Variants in A2ML1 observed in about 807,000 individuals in gnomAD.
A2ML1 encodes alpha-2-macroglobulin like 1.
A neutral mutation model predicts 181.9 loss-of-function variants in A2ML1; 161 were observed. The observed-to-expected ratio is 0.89, with a 90% CI of 0.78 to 1.01. The LOEUF is 1.01. Among genes scored for constraint, A2ML1 ranks in the 50% least tolerant of loss-of-function variants. A2ML1 has a pLI of 0.00. For synonymous variants in A2ML1, 663 were observed against 666.8 expected (o/e 0.99, Z 0.09); for missense variants, 1,670 against 1,768.1 (o/e 0.94, Z 1.00).
intron 4 of A2ML1, among the ~76,000 whole-genome samples, chr12:8,832,633 C>A (rs137901459): frequency 6.6e-6 from 1 of 152,104 alleles, no homozygotes; most frequent in African/African-American, 2.4e-5. Flanking sequence ...TTCAGTCCCT[C>A]CCTTTGGGTT....
intron 33 of A2ML1, among the ~76,000 whole-genome samples, chr12:8,873,973 C>A (rs1209491371): frequency 2.0e-5 from 3 of 151,582 alleles, no homozygotes; most frequent in East Asian, 1.9e-4. Context: ...AGGGCAGTAG[C>A]GGTACATAGA....
intron 2 of A2ML1, 168 bp from the exon 3 acceptor site, chr12:8,823,552 C>G: frequency 9.3e-7 from 1 of 1,072,024 alleles, no homozygotes; most frequent in Non-Finnish European, 1.3e-6. Flanking sequence ...GGATTTCTCC[C>G]TTTAGTTCCT....
In A2ML1 at chr12:8,850,181, CT is replaced by C. The variant is rs759217676; in HGVS notation, c.2145del (p.Phe715LeufsTer52). 414 of 1,611,738 alleles carry C rather than the reference CT, an allele frequency of 2.6e-4. 2 individuals are homozygous for C. The highest frequency in any genetic ancestry group is 3.3e-4 in the Non-Finnish European group (394 of 1,179,370). ...TCAGCAGGCGGTGGTCATCCAGAGG[CT>C]TTTGAGTCATCAACTCCTTTACATC... ...AMGAGGGHPE[A>X]FESSTPLHQA... On this transcript the variant is annotated frameshift_variant, in exon 18 of 36. Transcript: ENST00000299698. LOFTEE classifies it high-confidence loss of function.
chr12:8,875,439 C>CT (rs10607981), intron 35 of A2ML1: 274 of 144,994 alleles, frequency 1.9e-3, no homozygotes, highest in South Asian at 3.2e-3. Context: ...TTGTCTTAAA[C>CT]TTTTTTTTTT....
At chr12:8,874,347 G>T (rs907299289) in intron 33 of A2ML1, 78 bp from the exon 34 acceptor site, 1 of 1,153,448 alleles carries the variant, frequency 8.7e-7, no homozygotes, top group Admixed American at 1.8e-5. Flanking sequence ...AAGACAGCAA[G>T]GGTCTTTTAT....
intron 12 of A2ML1, among the ~76,000 whole-genome samples, chr12:8,844,775 G>A (rs1244949516): frequency 6.6e-6 from 1 of 152,134 alleles, no homozygotes; most frequent in Non-Finnish European, 1.5e-5. Context: ...GTGATAAAGC[G>A]GGCTCTGTCT....
intron 29 of A2ML1, among the ~76,000 whole-genome samples, chr12:8,866,083 C>T (rs753879146): frequency 7.2e-5 from 11 of 151,738 alleles, no homozygotes; most frequent in East Asian, 1.9e-4. Flanking sequence ...TTTGGGAGGC[C>T]GAGGCAGGTG....
chr12:8,868,245 A>G lies in A2ML1; in HGVS notation c.3949A>G (p.Asn1317Asp). The G allele has an allele frequency of 6.2e-7, 1 of 1,613,908 alleles. No individual in the cohort carries two copies. The highest frequency in any genetic ancestry group is 2.2e-5 in the East Asian group (1 of 44,884). ...CVYVQTVLRY[N>D]ILPPTNMKTF... is the part of the protein sequence containing the mutation. ...TTCCTACCAGACGGTGTTGAGATAC[A>G]ATATTCTCCCTCCCACAAATATGAA... The change falls in exon 31 of 36, where the codon AAT (asparagine) becomes GAT (aspartate). Residue 1317 changes from asparagine to aspartate, a missense_variant. Coordinates refer to ENST00000299698, the MANE Select transcript of A2ML1 (RefSeq NM_144670.6).
In A2ML1 at chr12:8,826,509, G is replaced by A. The variant is rs182810018; in HGVS notation, c.409+2627G>A. On this transcript the variant is annotated intron_variant, in intron 3 of 35. Transcript: ENST00000299698. ...TGCCCAGGCTGTGGAGTGCAGTGGC[G>A]GGATCACTGCTTACTGCAACCTCTG... Among the ~76,000 whole-genome samples, 199 of 152,186 alleles carry A rather than the reference G, an allele frequency of 1.3e-3. 2 individuals are homozygous for A. The highest frequency in any genetic ancestry group is 4.5e-3 in the African/African-American group (188 of 41,534).
Position 8,835,533 on chromosome 12 carries a change from G to A in A2ML1, c.510G>A (p.Gln170=). 3.1e-6 allele frequency: 5 copies of A among 1,614,186 alleles called. No homozygotes were observed. The highest frequency in any genetic ancestry group is 4.2e-6 in the Non-Finnish European group (5 of 1,180,020). The change falls in exon 6 of 36, where the codon CAG becomes CAA. Residue 170 remains glutamine (Q), a synonymous_variant. Transcript: ENST00000299698. ...ATCCAAATAGCAACAGGATTGCACAGTGGCTGGAAGTGGTACCTGAGCAAG... is the reference window on the plus strand; with the variant it reads ...ATCCAAATAGCAACAGGATTGCACAATGGCTGGAAGTGGTACCTGAGCAAG... ...LQDPNSNRIA[Q]WLEVVPEQGI...
chr12:8,863,353 G>A (rs762875310), intron 28 of A2ML1, among the ~76,000 whole-genome samples: 16 of 152,130 alleles, frequency 1.1e-4, no homozygotes, highest in East Asian at 3.9e-4. Context: ...TGATCCACCC[G>A]CCTCGGCCTC....
intron 35 of A2ML1, 140 bp from the exon 36 acceptor site, chr12:8,875,918 A>C (rs750291200): frequency 7.2e-5 from 11 of 152,222 alleles, no homozygotes; most frequent in Admixed American, 2.6e-4. Flanking sequence ...CACCTGTGAG[A>C]TAACACTATT....
Position 8,858,071 on chromosome 12 carries a change from A to G in A2ML1, c.3233A>G (p.Asn1078Ser), listed in dbSNP as rs769308270. 5 of 1,614,198 alleles carry G rather than the reference A, an allele frequency of 3.1e-6. No homozygotes were observed. The highest frequency in any genetic ancestry group is 1.7e-5 in the Admixed American group (1 of 60,022). ...CAGCTCCCCAGTGGCTGCTATGCCA[A>G]CGTGGGAAATCTCCTTCACACAGCT... ...GNQLPSGCYA[N>S]VGNLLHTAMK... Residue 1078 changes from asparagine to serine, a missense_variant, in exon 26 of 36, where the codon AAC (asparagine) becomes AGC (serine). Transcript: ENST00000299698.
At position 8,822,714 on chromosome 12, in the gene A2ML1, G is replaced by A. The variant is rs200764174; in HGVS notation, c.62+1G>A. On this transcript the variant is annotated splice_donor_variant, in intron 1 of 35. Transcript: ENST00000299698. LOFTEE classifies it high-confidence loss of function. ...CACCAGCCATTGCAGAAGAACTTCCGTGAGTGCTTGGTGTCAGAATTGGTT... is the reference window on the plus strand; with the variant it reads ...CACCAGCCATTGCAGAAGAACTTCCATGAGTGCTTGGTGTCAGAATTGGTT... The A allele has an allele frequency of 2.8e-5, 45 of 1,613,962 alleles. No homozygotes were observed. The highest frequency in any genetic ancestry group is 4.5e-5 in the East Asian group (2 of 44,902).
chr12:8,839,640 G>A (rs769854033), intron 10 of A2ML1, among the ~76,000 whole-genome samples: 6 of 152,182 alleles, frequency 3.9e-5, no homozygotes, highest in Non-Finnish European at 8.8e-5. Flanking sequence ...AGGGTTTCTA[G>A]AGAAATCATC....
At chr12:8,839,758 T>G (rs1407959453) in intron 10 of A2ML1, among the ~76,000 whole-genome samples, 1 of 152,168 alleles carries the variant, frequency 6.6e-6, no homozygotes, top group East Asian at 1.9e-4. Context: ...TTTTGTTTTG[T>G]TTTGTTTTGA....
chr12:8,824,780 A>G (rs1041210795), intron 3 of A2ML1, among the ~76,000 whole-genome samples: 2 of 151,596 alleles, frequency 1.3e-5, no homozygotes, highest in African/African-American at 4.9e-5. Flanking sequence ...TCTATTCTCT[A>G]TCTCCACGAC....
intron 11 of A2ML1, among the ~76,000 whole-genome samples, chr12:8,842,378 C>A (rs1238421046): frequency 7.0e-6 from 1 of 141,944 alleles, no homozygotes; most frequent in East Asian, 3.1e-4. Flanking sequence ...GCCACCACGC[C>A]CGGCTAATTT....
downstream of A2ML1, among the ~76,000 whole-genome samples, chr12:8,878,597 C>T (rs1037093632): frequency 2.6e-5 from 4 of 152,184 alleles, no homozygotes; most frequent in African/African-American, 7.2e-5. The surrounding 1 kb of genome is among the most constrained non-coding windows in gnomAD (Gnocchi z 4.4). Context: ...CACAGCATCA[C>T]GCAATATACC....
Sources: gnomAD v4.1 joint callset for allele counts (sites outside exome capture counted in the v4.1 genomes callset) on GRCh38, gnomAD v4.1.1 for gene constraint, Gnocchi (gnomAD v3.1) non-coding constraint, MANE v1.5 for transcripts, NCBI Gene and HGNC (gene_info 2026-07-23, HGNC 2026-07-21) for gene names.